SPRYD3: variants seen among roughly 807,000 people sequenced by gnomAD.
SPRYD3 encodes SPRY domain containing 3.
A neutral mutation model predicts 50.1 loss-of-function variants in SPRYD3; 17 were observed. The ratio of observed to expected loss-of-function variants is 0.34; its 90% CI spans 0.23 to 0.51. SPRYD3 has a LOEUF of 0.51. Among genes scored for constraint, SPRYD3 ranks in the 20% least tolerant of loss-of-function variants. The pLI, the probability that SPRYD3 is intolerant of heterozygous loss-of-function variation, is 0.97. For synonymous variants in SPRYD3, 198 were observed against 215.5 expected (o/e 0.92, Z 0.71); for missense variants, 401 against 591.2 (o/e 0.68, Z 3.34).
rs1944599482 is a variant in SPRYD3, at chr12:53,077,671, T to A, written c.24-410A>T. Among the ~76,000 whole-genome samples the A allele has an allele frequency of 2.6e-5, 4 of 152,284 alleles. No homozygotes were observed. In the South Asian group the frequency reaches 8.3e-4, roughly 32 times the overall value. ...GGAGCTAGGCATGACAAGCCAGGCA[T>A]ATTCCAGGCAGGAAGGGCAGCCACA... On this transcript the variant is annotated intron_variant, in intron 1 of 10. Coordinates refer to ENST00000301463, the MANE Select transcript of SPRYD3 (RefSeq NM_032840.3).
intron 6 of SPRYD3, among the ~76,000 whole-genome samples, chr12:53,071,665 A>G (rs981898343): frequency 3.6e-5 from 5 of 140,786 alleles, no homozygotes; most frequent in African/African-American, 1.3e-4. Flanking sequence ...TGAGCCTGGG[A>G]GTTGGAGGCT....
chr12:53,068,074 C>T (rs1306580965), intron 7 of SPRYD3, 81 bp downstream of exon 7: 18 of 1,551,960 alleles, frequency 1.2e-5, no homozygotes, highest in Non-Finnish European at 1.5e-5. Flanking sequence ...CCTGGTTTCT[C>T]CTAAGAGCTT....
chr12:53,077,666 A>G (rs1021596555), intron 1 of SPRYD3, among the ~76,000 whole-genome samples: 30 of 152,258 alleles, frequency 2.0e-4, no homozygotes, highest in African/African-American at 7.2e-4. Flanking sequence ...ATGACAAGCC[A>G]GGCATATTCC....
At chr12:53,078,949 C>T (rs1409151363) in intron 1 of SPRYD3, among the ~76,000 whole-genome samples, 1 of 152,206 alleles carries the variant, frequency 6.6e-6, no homozygotes, top group Non-Finnish European at 1.5e-5. Context: ...GGACAGACAG[C>T]CCTAAGATTC....
chr12:53,073,260 C>CCGGGGGGGGGGGGGGGGGGGGGG, intron 6 of SPRYD3, 26 bp downstream of exon 6: 3 of 416,308 alleles, frequency 7.2e-6, no homozygotes, highest in Non-Finnish European at 8.8e-6. Flanking sequence ...GACCCAGCCC[C>CCGGGGGGGGGGGGGGGGGGGGGG]TCCCACCCTC....
chr12:53,078,779 A>C (rs957008827), intron 1 of SPRYD3, among the ~76,000 whole-genome samples: 3 of 152,188 alleles, frequency 2.0e-5, no homozygotes, highest in African/African-American at 7.2e-5. Context: ...CCCATTCCCT[A>C]AACACTGGGA....
intron 6 of SPRYD3, among the ~76,000 whole-genome samples, chr12:53,069,909 G>A (rs781325632): frequency 3.9e-5 from 6 of 152,128 alleles, no homozygotes; most frequent in East Asian, 1.9e-4. Flanking sequence ...AACTGGCCTC[G>A]GTGTAGGAAA....
intron 3 of SPRYD3, 44 bp downstream of exon 3, chr12:53,075,692 C>T (rs751003123): frequency 9.4e-6 from 14 of 1,490,284 alleles, no homozygotes; most frequent in Non-Finnish European, 1.2e-5. Flanking sequence ...ATGATCTCAC[C>T]CCCAAGCTCA....
chr12:53,073,255 A>AGGCCCCGGGGGGGGGGGGGG, intron 6 of SPRYD3, 31 bp downstream of exon 6: 9 of 383,664 alleles, frequency 2.3e-5, no homozygotes, highest in Non-Finnish European at 4.4e-5. Flanking sequence ...CCTCCGACCC[A>AGGCCCCGGGGGGGGGGGGGG]GCCCCTCCCA....
intron 7 of SPRYD3, 67 bp from the exon 8 acceptor site, chr12:53,067,772 T>C: frequency 6.9e-7 from 1 of 1,452,204 alleles, no homozygotes; most frequent in Non-Finnish European, 9.7e-7. Context: ...GAGTGGCGAG[T>C]AGCATCTGAA....
chr12:53,073,342 C>T lies in SPRYD3; in HGVS notation c.637G>A (p.Val213Met). Reference protein sequence around the residue: ...LGREDDSVMMVDSYEDEWGRL... With the variant: ...LGREDDSVMMMDSYEDEWGRL... Reference sequence around the variant, plus strand: ...CCCCATTCATCCTCGTAACTGTCCACCATCATGACGCTGTCGTCCTCACGG... The same window carrying T: ...CCCCATTCATCCTCGTAACTGTCCATCATCATGACGCTGTCGTCCTCACGG... The change falls in exon 6 of 11, where the codon GTG becomes ATG. Residue 213 changes from valine (V) to methionine (M), a missense_variant. Coordinates refer to ENST00000301463, the MANE Select transcript of SPRYD3 (RefSeq NM_032840.3). 1 of 1,578,148 alleles carries T rather than the reference C, an allele frequency of 6.3e-7. No homozygotes were observed. Among genetic ancestry groups the T allele is most frequent in the Non-Finnish European group, 8.6e-7 (1 of 1,158,864 alleles).
At position 53,073,255 on chromosome 12, in the gene SPRYD3, A is replaced by ACCCCCC; in HGVS notation, c.693+30_693+31insGGGGGG. 1.0e-5 allele frequency: 4 copies of ACCCCCC among 383,668 alleles called. No homozygotes were observed. The South Asian group carries it at 1.4e-4, about 13-fold the overall frequency. The allele number at this position is 383,668 out of a possible 1,614,324, so 23.8% of individuals were successfully genotyped here. ...TGTTCTGCCCAGCCTCCTCCGACCC[A>ACCCCCC]GCCCCTCCCACCCTCCCACCCGCTA... On this transcript the variant is annotated intron_variant, in intron 6 of 10. Transcript: ENST00000301463.
chr12:53,078,365 T>A (rs1944605852), intron 1 of SPRYD3, among the ~76,000 whole-genome samples: 1 of 151,732 alleles, frequency 6.6e-6, no homozygotes, highest in South Asian at 2.1e-4. Context: ...GGTGCGCACC[T>A]GTAATCCCAG....
intron 8 of SPRYD3, among the ~76,000 whole-genome samples, chr12:53,067,246 T>C (rs1156341605): frequency 6.6e-6 from 1 of 150,896 alleles, no homozygotes; most frequent in African/African-American, 2.4e-5. Context: ...GAGGGGGCCC[T>C]AGGGAAGGAA....
rs1201777125 is a variant in SPRYD3 at position 53,064,832 on chromosome 12, TAGA to T, written c.*997_*999del. On this transcript the variant is annotated 3_prime_UTR_variant, in exon 11 of 11. Transcript: ENST00000301463. ...GGGAGGGGGCCAGGGGTTGAAGGAT[TAGA>T]AGGAGATAGAGGGCTTGGTGGGGAG... is the stretch of plus-strand genomic sequence containing the variant. 1 of 152,602 alleles carries T rather than the reference TAGA, an allele frequency of 6.6e-6. No homozygotes were observed. The highest frequency in any genetic ancestry group is 2.4e-5 in the African/African-American group (1 of 41,324). The allele number at this position is 152,602 out of a possible 1,614,324, so 9.5% of individuals were successfully genotyped here.
In SPRYD3 at chr12:53,066,424, C is replaced by T. The variant is rs956266732; in HGVS notation, c.1084G>A (p.Val362Met). 11 of 1,614,018 alleles carry T rather than the reference C, an allele frequency of 6.8e-6. No homozygotes were observed. The highest frequency in any genetic ancestry group is 1.6e-4 in the Middle Eastern group (1 of 6,084). Residue 362 changes from valine to methionine, a missense_variant, in exon 10 of 11, where the codon GTG becomes ATG. By Grantham distance (21) the Val-to-Met change is conservative. Coordinates refer to ENST00000301463, the MANE Select transcript of SPRYD3 (RefSeq NM_032840.3). Reference protein sequence around the residue: ...LSPTARAVRNVRNVMYLHQEG... With the variant: ...LSPTARAVRNMRNVMYLHQEG... ...TGGTGCAGGTACATGACATTCCGCA[C>T]GTTCCGGACGGCCCGGGCAGTCGGA...
Position 53,069,091 on chromosome 12 carries a change from C to T in SPRYD3, c.694-787G>A, listed in dbSNP as rs1010768212. Reference sequence around the variant, plus strand: ...TGATGGGTTCTTGGGGCTCTTCAGTCCCACAATGGTCCTGCCTGGGCACGA... The same window carrying T: ...TGATGGGTTCTTGGGGCTCTTCAGTTCCACAATGGTCCTGCCTGGGCACGA... On this transcript the variant is annotated intron_variant, in intron 6 of 10. Transcript: ENST00000301463. Among the ~76,000 whole-genome samples the T allele has an allele frequency of 5.3e-5, 8 of 152,118 alleles. No homozygotes were observed. In the South Asian group the frequency reaches 1.7e-3, roughly 32 times the overall value.
chr12:53,077,624 G>A (rs1395154823), intron 1 of SPRYD3, among the ~76,000 whole-genome samples: 4 of 152,202 alleles, frequency 2.6e-5, no homozygotes, highest in Non-Finnish European at 5.9e-5. Flanking sequence ...TCTCTCTGAG[G>A]AGGTGACATT....
Position 53,074,867 on chromosome 12 carries a change from C to T in SPRYD3, c.372-83G>A. On this transcript the variant is annotated intron_variant, in intron 4 of 10. Transcript: ENST00000301463. The surrounding 1 kb of genome is among the most constrained non-coding windows in gnomAD (Gnocchi z 4.6). ...GCACTGACAGCAGAGGCCTCATCCT[C>T]ATCTTGCTGCTCCTGGTCATTCTGT... 2 of 1,529,394 alleles carry T rather than the reference C, an allele frequency of 1.3e-6. No individual in the cohort carries two copies. The highest frequency in any genetic ancestry group is 1.2e-5 in the South Asian group (1 of 85,638). 94.7% of individuals were successfully genotyped at this position (1,529,394 alleles called of 1,614,324 possible).
Sources: gnomAD v4.1 joint callset for allele counts (sites outside exome capture counted in the v4.1 genomes callset) on GRCh38, gnomAD v4.1.1 for gene constraint, Gnocchi (gnomAD v3.1) non-coding constraint, MANE v1.5 for transcripts, NCBI Gene and HGNC (gene_info 2026-07-23, HGNC 2026-07-21) for gene names.